FRMD5: variants seen among roughly 807,000 people sequenced by gnomAD.
FRMD5 encodes FERM domain-containing protein 5.
In FRMD5, 20 loss-of-function variants were observed where a neutral mutation model predicts 69.0. The ratio of observed to expected loss-of-function variants is 0.29; its 90% CI spans 0.20 to 0.42. FRMD5 has a LOEUF of 0.42. Among genes scored for constraint, FRMD5 ranks in the 10% least tolerant of loss-of-function variants. The pLI is 1.00. For synonymous variants in FRMD5, 271 were observed against 260.1 expected (o/e 1.04, Z -0.40); for missense variants, 595 against 708.6 (o/e 0.84, Z 1.82).
chr15:43,919,682 G>A (rs1429870319), intron 3 of FRMD5, 85 bp downstream of exon 3: 4 of 1,467,030 alleles, frequency 2.7e-6, no homozygotes, highest in Non-Finnish European at 3.8e-6. Flanking sequence ...AATTATATAT[G>A]TAGATCAAAA....
chr15:43,991,780 T>C (rs965253365), intron 1 of FRMD5, among the ~76,000 whole-genome samples: 1 of 152,222 alleles, frequency 6.6e-6, no homozygotes, highest in African/African-American at 2.4e-5. Flanking sequence ...TCTCCTGTTT[T>C]CTCAACTCCA....
At chr15:44,035,022 C>A (rs1462664076) in intron 1 of FRMD5, among the ~76,000 whole-genome samples, 1 of 152,148 alleles carries the variant, frequency 6.6e-6, no homozygotes, top group Admixed American at 6.5e-5. Context: ...ACACTTAATT[C>A]TTGTTAGAAT....
chr15:44,062,502 C>T (rs931116402), intron 1 of FRMD5, among the ~76,000 whole-genome samples: 5 of 151,948 alleles, frequency 3.3e-5, no homozygotes, highest in Non-Finnish European at 7.4e-5. Context: ...ACCAGCCTGG[C>T]CAACATGGTG....
intron 1 of FRMD5, among the ~76,000 whole-genome samples, chr15:44,164,646 C>T (rs2077678708): frequency 6.6e-6 from 1 of 152,150 alleles, no homozygotes; most frequent in Non-Finnish European, 1.5e-5. Flanking sequence ...TAATGGGAGA[C>T]ACTTTAGAAA....
intron 1 of FRMD5, among the ~76,000 whole-genome samples, chr15:43,925,265 A>C (rs572316994): frequency 6.6e-6 from 1 of 152,158 alleles, no homozygotes; most frequent in African/African-American, 2.4e-5. Flanking sequence ...TCGGCCTCCC[A>C]AAGTGCTAGG....
chr15:44,035,459 TCAAACA>T (rs1891865739), intron 1 of FRMD5, among the ~76,000 whole-genome samples: 1 of 152,174 alleles, frequency 6.6e-6, no homozygotes, highest in East Asian at 1.9e-4. Flanking sequence ...TGGCTGTGAG[TCAAACA>T]CACAGTATCC....
chr15:44,162,100 G>T (rs2077625670), intron 1 of FRMD5, among the ~76,000 whole-genome samples: 1 of 152,038 alleles, frequency 6.6e-6, no homozygotes, highest in Non-Finnish European at 1.5e-5. Context: ...GAGAAGCTGG[G>T]ATTACAGGCG....
intron 1 of FRMD5, among the ~76,000 whole-genome samples, chr15:44,166,467 C>G (rs748067953): frequency 6.6e-6 from 1 of 151,680 alleles, no homozygotes; most frequent in Non-Finnish European, 1.5e-5. Flanking sequence ...TTTTTTATTT[C>G]TCTCGTTATC....
At chr15:43,874,777 G>A (rs2088281061) in intron 13 of FRMD5, among the ~76,000 whole-genome samples, 1 of 152,058 alleles carries the variant, frequency 6.6e-6, no homozygotes, top group South Asian at 2.1e-4. Context: ...GCACATGCCT[G>A]TAATCCCAGT....
In FRMD5 at chr15:44,194,983, C is replaced by A. The variant is rs1297877158; in HGVS notation, c.72G>T (p.Leu24=). Residue 24 remains leucine, a synonymous_variant, in exon 1 of 14, where the codon CTG becomes CTT. Transcript: ENST00000417257. ...EREYSCTVRL[L]DDSEYTCTIQ... ...TGGTGCAGGTGTACTCGCTGTCGTC[C>A]AGCAGCCGCACGGTGCAGCTGTACT... 4.5e-6 allele frequency: 7 copies of A among 1,550,138 alleles called. No individual in the cohort carries two copies. The highest frequency in any genetic ancestry group is 6.1e-6 in the Non-Finnish European group (7 of 1,152,328).
chr15:43,889,148 A>C (rs1473752120), intron 8 of FRMD5, among the ~76,000 whole-genome samples: 1 of 152,346 alleles, frequency 6.6e-6, no homozygotes, highest in South Asian at 2.1e-4. Flanking sequence ...AAACATTTGC[A>C]TGGAAAGTGA....
chr15:43,982,037 T>C (rs182274801), intron 1 of FRMD5, among the ~76,000 whole-genome samples: 2 of 152,370 alleles, frequency 1.3e-5, no homozygotes, highest in Admixed American at 6.5e-5. Context: ...ATGGCTCTCA[T>C]GACTTTTTCT....
intron 2 of FRMD5, among the ~76,000 whole-genome samples, chr15:43,921,942 T>A (rs1040483540): frequency 4.6e-5 from 7 of 152,188 alleles, no homozygotes; most frequent in Non-Finnish European, 8.8e-5. Flanking sequence ...GGGTTCAGAC[T>A]GTCTTGAGAC....
intron 1 of FRMD5, among the ~76,000 whole-genome samples, chr15:44,092,743 T>C (rs114331428): frequency 6.6e-4 from 101 of 152,182 alleles, no homozygotes; most frequent in African/African-American, 2.4e-3. Context: ...CAGAATCCTC[T>C]CCCACCTCTA....
In FRMD5 at chr15:43,982,607, A is replaced by C. The variant is rs1434459382; in HGVS notation, c.103-58298T>G. Among the ~76,000 whole-genome samples, 3 of 152,288 alleles carry C rather than the reference A, an allele frequency of 2.0e-5. 1 individual carries two copies. In the South Asian group the frequency reaches 6.2e-4, roughly 32 times the overall value. On this transcript the variant is annotated intron_variant, in intron 1 of 13. Transcript: ENST00000417257. ...GTCCTTTGTGGCATTTTTCCCCCAG[A>C]ATAGGGCACTTTCATCTGCATTAAG...
At chr15:44,034,201 G>A (rs1452467347) in intron 1 of FRMD5, among the ~76,000 whole-genome samples, 1 of 152,146 alleles carries the variant, frequency 6.6e-6, no homozygotes, top group East Asian at 1.9e-4. Flanking sequence ...TCCTTAGGCA[G>A]GTGTCTAATT....
intron 1 of FRMD5, among the ~76,000 whole-genome samples, chr15:44,011,959 C>T (rs1890739888): frequency 6.6e-6 from 1 of 152,130 alleles, no homozygotes; most frequent in African/African-American, 2.4e-5. Flanking sequence ...AGTGCAACAG[C>T]TAAAGAGGGA....
chr15:44,039,568 C>A (rs1892094278), intron 1 of FRMD5, among the ~76,000 whole-genome samples: 2 of 152,132 alleles, frequency 1.3e-5, no homozygotes, highest in African/African-American at 4.8e-5. Flanking sequence ...TCCAGCAGGC[C>A]TGCAGAAGAG....
Position 43,989,682 on chromosome 15 carries a change from C to T in FRMD5, c.103-65373G>A, listed in dbSNP as rs185916162. The T allele has an allele frequency of 5.4e-5, 53 of 980,178 alleles. No homozygotes were observed. The East Asian group carries it at 1.3e-3, about 24-fold the overall frequency. 60.7% of individuals were successfully genotyped at this position (980,178 alleles called of 1,614,324 possible). A position where few individuals can be genotyped will look rare whatever the true frequency, so the allele number is the denominator to read the frequency against. ...AGGATGGCATGGGGGAGGGCATACT[C>T]TTCATAGATGGGCACAGTGTGGGTG... On this transcript the variant is annotated intron_variant, in intron 1 of 13. Coordinates refer to ENST00000417257, the MANE Select transcript of FRMD5 (RefSeq NM_032892.5).
Sources: allele counts gnomAD v4.1 joint callset (sites outside exome capture counted in the v4.1 genomes callset), GRCh38; gene constraint gnomAD v4.1.1; transcripts MANE v1.5; gene names NCBI Gene and HGNC (gene_info 2026-07-23, HGNC 2026-07-21).